The following ADAMTSL1 variants were observed in gnomAD, a reference collection of about 807,000 sequenced individuals.
The protein encoded by ADAMTSL1 is ADAMTS-like protein 1.
A neutral mutation model predicts 201.8 loss-of-function variants in ADAMTSL1; 126 were observed. The observed-to-expected ratio is 0.62, with a 90% CI of 0.54 to 0.72. The LOEUF (loss-of-function observed/expected upper bound fraction) is 0.72, where lower values mean the gene tolerates loss of function less well. Among genes scored for constraint, ADAMTSL1 ranks in the 30% least tolerant of loss-of-function variants. The pLI is 0.00. For synonymous variants in ADAMTSL1, 1,121 were observed against 903.4 expected (o/e 1.24, Z -4.32); for missense variants, 2,679 against 2,277.8 (o/e 1.18, Z -3.59).
At chr9:18,420,496 C>T (rs935292480) in intron 2 of ADAMTSL1, among the ~76,000 whole-genome samples, 2 of 152,160 alleles carry the variant, frequency 1.3e-5, no homozygotes, top group African/African-American at 4.8e-5. Flanking sequence ...TTTTTCTGAC[C>T]TGGTGGATTT....
chr9:18,082,181 C>T (rs1303212005), intron 1 of ADAMTSL1, among the ~76,000 whole-genome samples: 1 of 152,070 alleles, frequency 6.6e-6, no homozygotes, highest in Non-Finnish European at 1.5e-5. Flanking sequence ...AAAGGCGGAA[C>T]AATAGCTTTA....
chr9:18,269,178 A>G (rs1832256370), intron 2 of ADAMTSL1, among the ~76,000 whole-genome samples: 1 of 152,294 alleles, frequency 6.6e-6, no homozygotes, highest in East Asian at 1.9e-4. Flanking sequence ...GTGATATATT[A>G]TGCTCAATAA....
At chr9:18,144,207 C>G (rs1024708310) in intron 1 of ADAMTSL1, among the ~76,000 whole-genome samples, 1 of 151,638 alleles carries the variant, frequency 6.6e-6, no homozygotes, top group Admixed American at 6.6e-5. Context: ...TTCTTTCTTT[C>G]TTTCTTTCTT....
At chr9:18,658,032 T>TGGC (rs1314790517) in intron 8 of ADAMTSL1, among the ~76,000 whole-genome samples, 3 of 148,330 alleles carry the variant, frequency 2.0e-5, no homozygotes, top group Non-Finnish European at 4.4e-5. Flanking sequence ...TGGAGTGCAG[T>TGGC]GGCGCCATCT....
At chr9:18,588,130 C>T (rs1823636630) in intron 4 of ADAMTSL1, among the ~76,000 whole-genome samples, 1 of 152,140 alleles carries the variant, frequency 6.6e-6, no homozygotes, top group Non-Finnish European at 1.5e-5. Context: ...TCCTCACCAG[C>T]ATTTGCTATT....
At chr9:17,916,314 G>A (rs1020459055) in intron 1 of ADAMTSL1, among the ~76,000 whole-genome samples, 2 of 152,174 alleles carry the variant, frequency 1.3e-5, no homozygotes, top group Non-Finnish European at 2.9e-5. Context: ...TTGCTTGGCA[G>A]AAGCTTTTAA....
intron 15 of ADAMTSL1, among the ~76,000 whole-genome samples, chr9:18,727,348 C>A (rs1201686018): frequency 6.6e-6 from 1 of 152,240 alleles, no homozygotes. Context: ...CTTTTAAGTG[C>A]TTAAAGCAAA....
intron 3 of ADAMTSL1, among the ~76,000 whole-genome samples, chr9:18,566,824 A>AG (rs1383108217): frequency 6.6e-6 from 1 of 152,166 alleles, no homozygotes; most frequent in Non-Finnish European, 1.5e-5. Context: ...CAGGAGAGCA[A>AG]GGGCAGAAGG....
chr9:18,516,039 T>A (rs1232001156), intron 2 of ADAMTSL1, among the ~76,000 whole-genome samples: 1 of 146,832 alleles, frequency 6.8e-6, no homozygotes, highest in African/African-American at 2.5e-5. Flanking sequence ...GAGTTTTCCA[T>A]CTTCAATTCA....
Position 18,660,227 on chromosome 9 carries a change from A to G in ADAMTSL1, c.947-1708A>G, listed in dbSNP as rs532088569. Among the ~76,000 whole-genome samples the G allele has an allele frequency of 2.0e-5, 3 of 152,298 alleles. No individual in the cohort carries two copies. In the East Asian group the frequency reaches 5.8e-4, roughly 29 times the overall value. ...GAGTGAAGATGTGAGGGATGTGGAG[A>G]CCAGCTGTCCTTCCACTTTATTTTG... On this transcript the variant is annotated intron_variant, in intron 8 of 28. Transcript: ENST00000380548.
At chr9:18,899,316 A>G (rs1406624806) in intron 26 of ADAMTSL1, among the ~76,000 whole-genome samples, 1 of 152,208 alleles carries the variant, frequency 6.6e-6, no homozygotes, top group Non-Finnish European at 1.5e-5. Context: ...ACAAATGGAG[A>G]AACATTTCAT....
At chr9:18,254,107 T>A (rs1831574735) in intron 2 of ADAMTSL1, among the ~76,000 whole-genome samples, 1 of 152,134 alleles carries the variant, frequency 6.6e-6, no homozygotes, top group Admixed American at 6.6e-5. Context: ...GAATTTTACC[T>A]GAGCCACCCT....
chr9:17,917,659 A>G (rs375620480), intron 1 of ADAMTSL1, among the ~76,000 whole-genome samples: 2 of 151,870 alleles, frequency 1.3e-5, no homozygotes, highest in African/African-American at 4.8e-5. Flanking sequence ...CTTTTCTTGA[A>G]ATATCTTTGG....
chr9:18,719,650 C>T (rs908215509), intron 14 of ADAMTSL1, among the ~76,000 whole-genome samples: 1 of 152,198 alleles, frequency 6.6e-6, no homozygotes, highest in African/African-American at 2.4e-5. Flanking sequence ...AGGCATGAGC[C>T]ACTGTGCCTG....
At chr9:18,259,416 T>C (rs1399916869) in intron 2 of ADAMTSL1, among the ~76,000 whole-genome samples, 3 of 151,628 alleles carry the variant, frequency 2.0e-5, no homozygotes, top group Admixed American at 6.6e-5. Flanking sequence ...TCCCAGCTAC[T>C]CAGGAGGCTG....
chr9:18,724,839 C>T (rs1817767365), intron 15 of ADAMTSL1, among the ~76,000 whole-genome samples: 1 of 152,194 alleles, frequency 6.6e-6, no homozygotes, highest in South Asian at 2.1e-4. Context: ...CTTCCAGATG[C>T]TGTTGATCCT....
intron 4 of ADAMTSL1, among the ~76,000 whole-genome samples, chr9:18,588,771 G>C (rs967385890): frequency 6.7e-6 from 1 of 149,914 alleles, no homozygotes; most frequent in Non-Finnish European, 1.5e-5. Flanking sequence ...GGCTGTTGGT[G>C]CATGGATTTA....
At chr9:18,324,980 T>G (rs548550214) in intron 2 of ADAMTSL1, among the ~76,000 whole-genome samples, 6 of 152,084 alleles carry the variant, frequency 3.9e-5, no homozygotes, top group Non-Finnish European at 7.4e-5. Context: ...GGACAGCCAA[T>G]AAATATATAA....
intron 1 of ADAMTSL1, among the ~76,000 whole-genome samples, chr9:18,042,079 G>C (rs1340286498): frequency 6.8e-6 from 1 of 146,808 alleles, no homozygotes; most frequent in South Asian, 2.1e-4. Flanking sequence ...GGCTTTTAGT[G>C]AGTTGTAATT....
Sources: allele counts gnomAD v4.1 joint callset (sites outside exome capture counted in the v4.1 genomes callset), GRCh38; gene constraint gnomAD v4.1.1; transcripts MANE v1.5; gene names NCBI Gene and HGNC (gene_info 2026-07-23, HGNC 2026-07-21).